The following ALKBH6 variants were observed in gnomAD, a reference collection of about 807,000 sequenced individuals.
ALKBH6 encodes the protein probable RNA/DNA demethylase ALKBH6.
ALKBH6 carries 20 observed loss-of-function variants against 25.1 expected under a neutral mutation model. The observed-to-expected ratio is 0.80, with a 90% CI of 0.56 to 1.16. The LOEUF is 1.16. ALKBH6 is among the 50% of genes most tolerant of loss of function. The pLI, the probability that ALKBH6 is intolerant of heterozygous loss-of-function variation, is 0.00. For missense variants in ALKBH6, 263 were observed against 326.5 expected, an observed-to-expected ratio of 0.81 and a Z score of 1.50; for synonymous variants, 156 against 147.5, an observed-to-expected ratio of 1.06 and a Z score of -0.42.
rs1402188237 is a variant in ALKBH6, at chr19:36,011,248, C to T, written c.184+156G>A. 11 of 1,135,680 alleles carry T rather than the reference C, an allele frequency of 9.7e-6. No homozygotes were observed. The African/African-American group carries it at 1.4e-4, about 15-fold the overall frequency. The allele number at this position is 1,135,680 out of a possible 1,614,324, so 70.4% of individuals were successfully genotyped here. ...CCCAACTCATCAGGAAATCCCTAATCCCTCAGGACCTCCACTGACCCCTTC... is the reference window on the plus strand; with the variant it reads ...CCCAACTCATCAGGAAATCCCTAATTCCTCAGGACCTCCACTGACCCCTTC... On this transcript the variant is annotated intron_variant, in intron 4 of 6. Transcript: ENST00000378875.
At chr19:36,012,244 G>T (rs890048307) in intron 3 of ALKBH6, 3 of 152,248 alleles carry the variant, frequency 2.0e-5, no homozygotes, top group Non-Finnish European at 2.9e-5. Flanking sequence ...ATTGCCTGGG[G>T]GAGGGAGTAT....
At position 36,013,513 on chromosome 19, in the gene ALKBH6, C is replaced by T; in HGVS notation, c.-25-91G>A. On this transcript the variant is annotated intron_variant, in intron 1 of 6. Transcript: ENST00000378875. This position sits in a 1 kb window ranked among gnomAD's most constrained non-coding sequence, Gnocchi z 4.6. ...CCACCCCATCACAGGCCAGGCCTCA[C>T]CTCAGCCCTCTTCTGAAACGCACTT... 1 of 1,557,568 alleles carries T rather than the reference C, an allele frequency of 6.4e-7. No individual in the cohort carries two copies.
Position 36,014,212 on chromosome 19 carries a change from T to A in ALKBH6, c.-63A>T, listed in dbSNP as rs745476490. On this transcript the variant is annotated 5_prime_UTR_variant, in exon 1 of 7. An upstream start codon of the reference 5' UTR is lost. Transcript: ENST00000378875. ...TCCCCTCCAATTTCCAAATTCAACA[T>A]CCCCATCCCCCTCCCAGCCATTTCC... 25 of 1,611,320 alleles carry A rather than the reference T, an allele frequency of 1.6e-5. No individual in the cohort carries two copies. The highest frequency in any genetic ancestry group is 2.1e-5 in the Non-Finnish European group (25 of 1,178,796).
intron 3 of ALKBH6, chr19:36,011,694 G>A (rs1035474126): frequency 1.1e-4 from 55 of 500,964 alleles, no homozygotes; most frequent in Non-Finnish European, 1.6e-4. Flanking sequence ...AATCAGGGCT[G>A]CACAACCGTG....
Position 36,013,951 on chromosome 19 carries a change from A to G in ALKBH6, c.-26+224T>C. On this transcript the variant is annotated intron_variant, in intron 1 of 6. Transcript: ENST00000378875. This position sits in a 1 kb window ranked among gnomAD's most constrained non-coding sequence, Gnocchi z 4.6. ...ATCCCCCCATTTGGACGCCCCTCGG[A>G]TTTCCCCTCCTGAGCGCCCCTTCAC... 1.5e-6 allele frequency: 2 copies of G among 1,314,316 alleles called. No individual in the cohort carries two copies. The highest frequency in any genetic ancestry group is 3.6e-5 in the East Asian group (1 of 27,820). The allele number at this position is 1,314,316 out of a possible 1,614,324, so 81.4% of individuals were successfully genotyped here. A position where few individuals can be genotyped will look rare whatever the true frequency, so the allele number is the denominator to read the frequency against.
At chr19:36,012,814 G>C in intron 3 of ALKBH6, 1 of 580,554 alleles carries the variant, frequency 1.7e-6, no homozygotes, top group Non-Finnish European at 3.1e-6. Flanking sequence ...GATCTGAACT[G>C]GGCTATCTCA....
rs908542382 is a variant in ALKBH6, at chr19:36,010,882, G to A, written c.336+12C>T. Reference sequence around the variant, plus strand: ...CTGAGTGGGGGGACACGGGCCGAGGGTGTGTGGTTACCATGATGCCCTCCC... The same window carrying A: ...CTGAGTGGGGGGACACGGGCCGAGGATGTGTGGTTACCATGATGCCCTCCC... On this transcript the variant is annotated intron_variant, in intron 5 of 6. Transcript: ENST00000378875. This position sits in a 1 kb window ranked among gnomAD's most constrained non-coding sequence, Gnocchi z 5.5. 1 of 1,613,708 alleles carries A rather than the reference G, an allele frequency of 6.2e-7. No homozygotes were observed. Among genetic ancestry groups the A allele is most frequent in the East Asian group, 2.2e-5 (1 of 44,810 alleles).
chr19:36,014,213 C>T lies in ALKBH6; in HGVS notation c.-64G>A, dbSNP rs1460866653. The stretch of plus-strand genomic sequence containing the variant: ...CCCCTCCAATTTCCAAATTCAACAT[C>T]CCCATCCCCCTCCCAGCCATTTCCG... On this transcript the variant is annotated 5_prime_UTR_variant, in exon 1 of 7. Transcript: ENST00000378875. 84 of 1,612,866 alleles carry T rather than the reference C, an allele frequency of 5.2e-5. No individual in the cohort carries two copies. The highest frequency in any genetic ancestry group is 7.0e-5 in the Non-Finnish European group (83 of 1,179,384).
intron 3 of ALKBH6, chr19:36,012,764 A>G: frequency 2.1e-6 from 1 of 475,964 alleles, no homozygotes; most frequent in South Asian, 2.3e-5. Context: ...ATCTCAGCAC[A>G]GAAATCTGAA....
At position 36,011,034 on chromosome 19, in the gene ALKBH6, G is replaced by A. The variant is rs1968595472; in HGVS notation, c.196C>T (p.His66Tyr). The A allele has an allele frequency of 6.2e-7, 1 of 1,608,028 alleles. No individual in the cohort carries two copies. Among genetic ancestry groups the A allele is most frequent in the African/African-American group, 1.3e-5 (1 of 74,850 alleles). Residue 66 changes from histidine to tyrosine, a missense_variant, in exon 5 of 7, where the codon CAT (histidine) becomes TAT (tyrosine). Physicochemically the swap from His to Tyr is moderately conservative, Grantham distance 83 (BLOSUM62 2). Coordinates refer to ENST00000378875, the MANE Select transcript of ALKBH6 (RefSeq NM_032878.5). ...RKLQNWGGLP[H>Y]PRGMVPERLP... ...CGCTCAGGAACCATCCCTCGGGGAT[G>A]AGGAAGCCCACCTGGGGAAGGCAAT...
rs1968587668 is a variant in ALKBH6 at position 36,010,864 on chromosome 19, G to A, written c.336+30C>T. ...CCAGCACAGCTCAGAAGTCTGAGTG[G>A]GGGGACACGGGCCGAGGGTGTGTGG... On this transcript the variant is annotated intron_variant, in intron 5 of 6. Coordinates refer to ENST00000378875, the MANE Select transcript of ALKBH6 (RefSeq NM_032878.5). This position sits in a 1 kb window ranked among gnomAD's most constrained non-coding sequence, Gnocchi z 5.5. 52 of 1,612,516 alleles carry A rather than the reference G, an allele frequency of 3.2e-5. No individual in the cohort carries two copies. Among genetic ancestry groups the A allele is most frequent in the Non-Finnish European group, 4.3e-5 (51 of 1,179,030 alleles).
rs1164315975 is a variant in ALKBH6 at position 36,010,552 on chromosome 19, T to G, written c.453+15A>C. 1.9e-6 allele frequency: 3 copies of G among 1,608,658 alleles called. No homozygotes were observed. Among genetic ancestry groups the G allele is most frequent in the Non-Finnish European group, 2.6e-6 (3 of 1,175,810 alleles). On this transcript the variant is annotated intron_variant, in intron 6 of 6. Coordinates refer to ENST00000378875, the MANE Select transcript of ALKBH6 (RefSeq NM_032878.5). This position sits in a 1 kb window ranked among gnomAD's most constrained non-coding sequence, Gnocchi z 5.5. Reference sequence around the variant, plus strand: ...AAGTGCCTACAAGCAGCTGGGGCAGTGTCTGGGGGCCCACCTGTTCTGTAG... The same window carrying G: ...AAGTGCCTACAAGCAGCTGGGGCAGGGTCTGGGGGCCCACCTGTTCTGTAG...
Position 36,013,094 on chromosome 19 carries a change from G to T in ALKBH6, c.55-5C>A, listed in dbSNP as rs369237522. Reference sequence around the variant, plus strand: ...ATAGTAGATTACAGGTGGTGCCTAGGATAGAAAGACCCCCTGAAGGTGTGG... The same window carrying T: ...ATAGTAGATTACAGGTGGTGCCTAGTATAGAAAGACCCCCTGAAGGTGTGG... On this transcript the variant is annotated splice_polypyrimidine_tract_variant and splice_region_variant and intron_variant, in intron 2 of 6. Coordinates refer to ENST00000378875, the MANE Select transcript of ALKBH6 (RefSeq NM_032878.5). The surrounding 1 kb of genome is among the most constrained non-coding windows in gnomAD (Gnocchi z 4.6). The T allele has an allele frequency of 3.1e-6, 5 of 1,613,456 alleles. No individual in the cohort carries two copies. In the African/African-American group the frequency reaches 5.3e-5, roughly 17 times the overall value.
rs1599688918 is a variant in ALKBH6, at chr19:36,014,112, C to T, written c.-26+63G>A. The T allele has an allele frequency of 4.9e-5, 78 of 1,602,754 alleles. No homozygotes were observed. The East Asian group carries it at 1.8e-3, about 37-fold the overall frequency. On this transcript the variant is annotated intron_variant, in intron 1 of 6. Coordinates refer to ENST00000378875, the MANE Select transcript of ALKBH6 (RefSeq NM_032878.5). ...CCTCGGACTCCTACTCTGGGCTCCC[C>T]CGGATCCCCACTTTCAGCCCTATTG...
At chr19:36,014,225 C>T, upstream of ALKBH6, 1 of 1,612,894 alleles carries the variant, frequency 6.2e-7, no homozygotes, top group Non-Finnish European at 8.5e-7. Flanking sequence ...CCATCCCCCT[C>T]CCAGCCATTT....
In ALKBH6 at chr19:36,010,906, C is replaced by T; in HGVS notation, c.324G>A (p.Gly108=). ...NHVLVNQYLP[G]EGIMPHEDGP... ...GGTGTGTGGTTACCATGATGCCCTCCCCAGGCAGATACTGGTTCACGAGGA... is the reference window on the plus strand; with the variant it reads ...GGTGTGTGGTTACCATGATGCCCTCTCCAGGCAGATACTGGTTCACGAGGA... Residue 108 remains glycine (G), a synonymous_variant, in exon 5 of 7, where the codon GGG becomes GGA. Coordinates refer to ENST00000378875, the MANE Select transcript of ALKBH6 (RefSeq NM_032878.5). This position sits in a 1 kb window ranked among gnomAD's most constrained non-coding sequence, Gnocchi z 5.5. The T allele has an allele frequency of 6.2e-7, 1 of 1,613,966 alleles. No homozygotes were observed. Among genetic ancestry groups the T allele is most frequent in the Non-Finnish European group, 8.5e-7 (1 of 1,179,958 alleles).
Position 36,013,560 on chromosome 19 carries a change from C to G in ALKBH6, c.-25-138G>C. 6.9e-7 allele frequency: 1 copy of G among 1,456,222 alleles called. No homozygotes were observed. Among genetic ancestry groups the G allele is most frequent in the Non-Finnish European group, 9.0e-7 (1 of 1,107,224 alleles). The allele number at this position is 1,456,222 out of a possible 1,614,324, so 90.2% of individuals were successfully genotyped here. The stretch of plus-strand genomic sequence containing the variant: ...ACTTGGTCTCTAAAATCTGAGTCTT[C>G]AGCATCTTACAAGCCACACAGAGAG... On this transcript the variant is annotated intron_variant, in intron 1 of 6. Transcript: ENST00000378875. The surrounding 1 kb of genome is among the most constrained non-coding windows in gnomAD (Gnocchi z 4.6).
At chr19:36,012,864 T>C (rs1399067236) in intron 3 of ALKBH6, 157 bp downstream of exon 3, 6 of 721,068 alleles carry the variant, frequency 8.3e-6, no homozygotes, top group Non-Finnish European at 1.2e-5. Flanking sequence ...GCTAGCAGGA[T>C]TGGGCTATCT....
At position 36,010,379 on chromosome 19, in the gene ALKBH6, G is replaced by A. The variant is rs576853746; in HGVS notation, c.453+188C>T. 4.7e-6 allele frequency: 3 copies of A among 642,784 alleles called. No homozygotes were observed. The African/African-American group carries it at 5.4e-5, about 12-fold the overall frequency. The allele number at this position is 642,784 out of a possible 1,614,324, so 39.8% of individuals were successfully genotyped here. On this transcript the variant is annotated intron_variant, in intron 6 of 6. Coordinates refer to ENST00000378875, the MANE Select transcript of ALKBH6 (RefSeq NM_032878.5). The surrounding 1 kb of genome is among the most constrained non-coding windows in gnomAD (Gnocchi z 5.5). ...GGAGCCTGTGAAAATCATGGCATGT[G>A]GGACAGACACCCTGTAAGCAGATGG... is the stretch of plus-strand genomic sequence containing the variant.
Sources: gnomAD v4.1 joint callset for allele counts on GRCh38, gnomAD v4.1.1 for gene constraint, Gnocchi (gnomAD v3.1) non-coding constraint, MANE v1.5 for transcripts, NCBI Gene and HGNC (gene_info 2026-07-23, HGNC 2026-07-21) for gene names.